TSPEAR: variants seen among roughly 807,000 people sequenced by gnomAD.
TSPEAR encodes the protein thrombospondin type laminin G domain and EAR repeats, also known as thrombospondin-type laminin G domain and EAR repeat-containing protein.
A neutral mutation model predicts 71.6 loss-of-function variants in TSPEAR; 69 were observed. That is an observed-to-expected ratio of 0.96 (90% CI 0.79 to 1.18). TSPEAR has a LOEUF of 1.18. Ranked by LOEUF, TSPEAR falls within the 50% of genes most tolerant of loss-of-function variation. The pLI, the probability that TSPEAR is intolerant of heterozygous loss-of-function variation, is 0.00. For missense variants in TSPEAR, 971 were observed against 894.9 expected, an observed-to-expected ratio of 1.09 and a Z score of -1.09; for synonymous variants, 402 against 387.2, an observed-to-expected ratio of 1.04 and a Z score of -0.45.
At chr21:44,515,717 TCCA>T (rs1283228141) in intron 9 of TSPEAR, 11 of 152,318 alleles carry the variant, frequency 7.2e-5, no homozygotes, top group African/African-American at 1.9e-4. Context: ...GGCTGCCACC[TCCA>T]CCACATCACC....
intron 2 of TSPEAR, among the ~76,000 whole-genome samples, chr21:44,565,658 A>C (rs2146066772): frequency 6.6e-6 from 1 of 152,358 alleles, no homozygotes. Flanking sequence ...AGTTGATAAA[A>C]TCCACCATCC....
intron 1 of TSPEAR, among the ~76,000 whole-genome samples, chr21:44,626,505 G>A (rs1320559994): frequency 1.3e-5 from 2 of 150,496 alleles, no homozygotes; most frequent in African/African-American, 5.0e-5. Flanking sequence ...CACAGCCCAC[G>A]ATGCTGCCAT....
chr21:44,675,580 T>G (rs1986272151), intron 1 of TSPEAR, among the ~76,000 whole-genome samples: 1 of 151,904 alleles, frequency 6.6e-6, no homozygotes, highest in Non-Finnish European at 1.5e-5. Flanking sequence ...GAGGGCAAAA[T>G]CAACAGTAGT....
chr21:44,553,909 A>G (rs2146038541), intron 2 of TSPEAR, among the ~76,000 whole-genome samples: 1 of 152,286 alleles, frequency 6.6e-6, no homozygotes, highest in South Asian at 2.1e-4. Flanking sequence ...TAAGGCTCTA[A>G]TTTTCCTTTT....
At chr21:44,682,336 T>C (rs557521487) in intron 1 of TSPEAR, among the ~76,000 whole-genome samples, 7 of 152,334 alleles carry the variant, frequency 4.6e-5, no homozygotes, top group Non-Finnish European at 7.3e-5. Flanking sequence ...TCGTGACTAA[T>C]TGCACCCTCT....
At chr21:44,669,623 GAAAACC>G (rs1985960450) in intron 1 of TSPEAR, among the ~76,000 whole-genome samples, 3 of 152,076 alleles carry the variant, frequency 2.0e-5, no homozygotes, top group African/African-American at 7.2e-5. Context: ...CTGCCAGGCT[GAAAACC>G]GAGACCATGA....
At chr21:44,588,764 T>G (rs1337464410) in intron 1 of TSPEAR, among the ~76,000 whole-genome samples, 1 of 121,930 alleles carries the variant, frequency 8.2e-6, no homozygotes, top group Non-Finnish European at 1.8e-5. Flanking sequence ...TATGTATGTG[T>G]GTATATATAT....
chr21:44,510,303 G>A (rs1248041896), intron 9 of TSPEAR, among the ~76,000 whole-genome samples: 1 of 152,210 alleles, frequency 6.6e-6, no homozygotes, highest in East Asian at 1.9e-4. Flanking sequence ...GACGGAGCCG[G>A]TCATGCTGCG....
rs73907084 is a variant in TSPEAR at position 44,628,359 on chromosome 21, A to G, written c.83-60354T>C. ...CGTCACCCTCTGCCCCTGAGCACCA[A>G]TAAAGCGTCTGCGGCCCCAGCTGAC... On this transcript the variant is annotated intron_variant, in intron 1 of 11. Transcript: ENST00000323084. 7.4e-3 allele frequency: 2,749 copies of G among 371,752 alleles called. 96 individuals carry two copies. The highest frequency in any genetic ancestry group is 0.055 in the African/African-American group (2,572 of 46,566). The allele number at this position is 371,752 out of a possible 1,614,324, so 23.0% of individuals were successfully genotyped here. A position where few individuals can be genotyped will look rare whatever the true frequency, so the allele number is the denominator to read the frequency against.
intron 1 of TSPEAR, chr21:44,627,924 T>G (rs370716785): frequency 2.0e-6 from 3 of 1,518,934 alleles, no homozygotes; most frequent in Non-Finnish European, 2.7e-6. Flanking sequence ...CCTCCTGCTG[T>G]GCCCCCACCT....
chr21:44,637,662 C>T lies in TSPEAR; in HGVS notation c.83-69657G>A, dbSNP rs142252999. 4,708 of 1,582,484 alleles carry T rather than the reference C, an allele frequency of 3.0e-3. 115 individuals are homozygous for T. The South Asian group carries it at 0.036, about 12-fold the overall frequency. ...TGCTACCAGCAGTCTAGCTGCCAGC[C>T]GGATTGCTGCACCTCCTCCCCCTGC... On this transcript the variant is annotated intron_variant, in intron 1 of 11. Coordinates refer to ENST00000323084, the MANE Select transcript of TSPEAR (RefSeq NM_144991.3).
At chr21:44,634,376 A>C (rs1243052724) in intron 1 of TSPEAR, among the ~76,000 whole-genome samples, 3 of 152,264 alleles carry the variant, frequency 2.0e-5, no homozygotes, top group African/African-American at 7.2e-5. Flanking sequence ...AAAGCCATAA[A>C]ATTCTTAGAA....
chr21:44,608,778 C>T (rs1981472475), intron 1 of TSPEAR, among the ~76,000 whole-genome samples: 1 of 152,210 alleles, frequency 6.6e-6, no homozygotes, highest in African/African-American at 2.4e-5. Flanking sequence ...ATAAAATCAA[C>T]TAGTGAGGAT....
chr21:44,527,424 C>A lies in TSPEAR; in HGVS notation c.1017G>T (p.Gly339=). The A allele has an allele frequency of 6.2e-7, 1 of 1,614,218 alleles. No homozygotes were observed. The highest frequency in any genetic ancestry group is 8.5e-7 in the Non-Finnish European group (1 of 1,180,038). Residue 339 remains glycine, a synonymous_variant, in exon 7 of 12, where the codon GGG becomes GGT. Coordinates refer to ENST00000323084, the MANE Select transcript of TSPEAR (RefSeq NM_144991.3). ...TGCGATTGGCTGTGGCCACAAAGAG[C>A]CCCACCTGAGGGATGCGGAACACCT... ...GIEVFRIPQV[G]LFVATANRKA... is the part of the protein sequence containing the mutation.
intron 1 of TSPEAR, chr21:44,698,102 G>C: frequency 9.0e-6 from 8 of 885,192 alleles, no homozygotes; most frequent in Non-Finnish European, 1.7e-6. Context: ...TAAGCCCTGG[G>C]GGCTCCTGCT....
intron 1 of TSPEAR, among the ~76,000 whole-genome samples, chr21:44,626,664 T>C (rs1982804486): frequency 6.6e-6 from 1 of 152,174 alleles, no homozygotes; most frequent in African/African-American, 2.4e-5. Context: ...TCCTGTGTCC[T>C]ACAGCAGGGG....
chr21:44,701,660 T>C (rs191550452), intron 1 of TSPEAR, among the ~76,000 whole-genome samples: 1 of 152,284 alleles, frequency 6.6e-6, no homozygotes, highest in Admixed American at 6.5e-5. Flanking sequence ...ACAGCGGGGT[T>C]CGTGGTCCTC....
intron 8 of TSPEAR, 129 bp downstream of exon 8, chr21:44,525,524 G>T: frequency 1.9e-6 from 2 of 1,031,348 alleles, no homozygotes; most frequent in Non-Finnish European, 2.9e-6. Flanking sequence ...GAACGGTCCA[G>T]AACGCATGTT....
intron 1 of TSPEAR, among the ~76,000 whole-genome samples, chr21:44,577,366 A>G (rs1366824278): frequency 1.3e-5 from 2 of 152,222 alleles, no homozygotes; most frequent in African/African-American, 4.8e-5. Context: ...GCCCACGGTT[A>G]TCTGGCTCCT....
Sources: gnomAD v4.1 joint callset for allele counts (sites outside exome capture counted in the v4.1 genomes callset) on GRCh38, gnomAD v4.1.1 for gene constraint, MANE v1.5 for transcripts, NCBI Gene and HGNC (gene_info 2026-07-23, HGNC 2026-07-21) for gene names.